PDE4D: variants seen among roughly 807,000 people sequenced by gnomAD.
PDE4D encodes phosphodiesterase 4D.
In PDE4D, 24 loss-of-function variants were observed where a neutral mutation model predicts 87.4. The observed-to-expected ratio is 0.27, with a 90% confidence interval of 0.20 to 0.39. The LOEUF (loss-of-function observed/expected upper bound fraction) is 0.39, where lower values mean the gene tolerates loss of function less well. Ranked by LOEUF, PDE4D falls within the 10% of genes least tolerant of loss-of-function variation. PDE4D has a pLI of 1.00. For synonymous variants in PDE4D, 384 were observed against 383.2 expected, an observed-to-expected ratio of 1.00 and a Z score of -0.02; for missense variants, 714 against 1,041.0, an observed-to-expected ratio of 0.69 and a Z score of 4.32.
At chr5:59,587,415 A>T in intron 1 of PDE4D, 1 of 981,910 alleles carries the variant, frequency 1.0e-6, no homozygotes, top group Non-Finnish European at 1.2e-6. Flanking sequence ...ATGCTCTGAC[A>T]TCTTCTGAAA....
At chr5:59,988,611 G>A (rs781340161) in exon 3 of PDE4D, 2 of 1,599,308 alleles carry the variant, frequency 1.3e-6, no homozygotes, top group Non-Finnish European at 8.5e-7. Context: ...GAAGGCGAGA[G>A]GGGGAAGCTG....
chr5:59,739,641 C>T (rs72751238), intron 1 of PDE4D, among the ~76,000 whole-genome samples: 3,324 of 152,180 alleles, frequency 0.022, 48 homozygotes, highest in Admixed American at 0.037. Flanking sequence ...AGTGATACAG[C>T]GATACAGCAG....
chr5:59,361,923 T>A (rs1474110836), intron 1 of PDE4D, among the ~76,000 whole-genome samples: 1 of 152,206 alleles, frequency 6.6e-6, no homozygotes, highest in East Asian at 1.9e-4. Flanking sequence ...ATTTAGTTTC[T>A]TTTTCCTATT....
At chr5:59,775,316 A>G (rs1268883670) in intron 1 of PDE4D, among the ~76,000 whole-genome samples, 1 of 152,172 alleles carries the variant, frequency 6.6e-6, no homozygotes, top group Non-Finnish European at 1.5e-5. Flanking sequence ...CAAAAATCCC[A>G]TATCTCAATC....
intron 1 of PDE4D, among the ~76,000 whole-genome samples, chr5:59,398,128 C>T (rs144250605): frequency 2.3e-4 from 34 of 147,892 alleles, no homozygotes; most frequent in Admixed American, 2.7e-4. Context: ...CAGATGGATT[C>T]ACAGCCAAAT....
chr5:60,142,457 G>A (rs763973013), intron 2 of PDE4D, among the ~76,000 whole-genome samples: 15 of 152,124 alleles, frequency 9.9e-5, no homozygotes, highest in Non-Finnish European at 1.5e-4. Context: ...AATGTGCTGC[G>A]ATGTGATTAC....
intron 1 of PDE4D, among the ~76,000 whole-genome samples, chr5:60,470,404 T>C (rs1019743467): frequency 1.3e-5 from 2 of 152,092 alleles, no homozygotes; most frequent in African/African-American, 2.4e-5. Flanking sequence ...ATAGCTAAGA[T>C]AACAAATGAA....
chr5:60,047,165 G>A (rs374567984), intron 2 of PDE4D, among the ~76,000 whole-genome samples: 4 of 152,108 alleles, frequency 2.6e-5, no homozygotes, highest in Non-Finnish European at 4.4e-5. Context: ...AGAGGTGTTT[G>A]TAGTATTCTC....
chr5:59,084,194 A>C (rs2153425043), intron 5 of PDE4D, among the ~76,000 whole-genome samples: 1 of 152,224 alleles, frequency 6.6e-6, no homozygotes, highest in South Asian at 2.1e-4. Context: ...CTAACCATAA[A>C]CAGTAGAAGT....
At chr5:59,097,467 T>G (rs1769952354) in intron 5 of PDE4D, among the ~76,000 whole-genome samples, 1 of 152,112 alleles carries the variant, frequency 6.6e-6, no homozygotes, top group Admixed American at 6.6e-5. Flanking sequence ...CCTTCTACCC[T>G]CCACTCTCTA....
intron 1 of PDE4D, among the ~76,000 whole-genome samples, chr5:59,616,943 A>ATATATATATATATATATATATATT (rs1351290068): frequency 7.2e-6 from 1 of 139,162 alleles, no homozygotes; most frequent in Admixed American, 7.3e-5. Context: ...ATATATATAT[A>ATATATATATATATATATATATATT]TATCTCCAAG....
chr5:59,574,040 TTA>T (rs1385655444), intron 1 of PDE4D, among the ~76,000 whole-genome samples: 1 of 88,994 alleles, frequency 1.1e-5, no homozygotes, highest in Non-Finnish European at 2.1e-5. Context: ...AAATATATAT[TTA>T]TATATATTTA....
At chr5:60,358,033 A>G (rs1043556125) in intron 1 of PDE4D, among the ~76,000 whole-genome samples, 2 of 152,198 alleles carry the variant, frequency 1.3e-5, no homozygotes, top group African/African-American at 4.8e-5. Context: ...TCTCTATTTT[A>G]TAGATCAAAA....
intron 1 of PDE4D, among the ~76,000 whole-genome samples, chr5:59,493,707 A>C (rs1329377172): frequency 6.6e-6 from 1 of 152,240 alleles, no homozygotes; most frequent in African/African-American, 2.4e-5. Flanking sequence ...TGTATAGGTA[A>C]ATTACTAAGA....
chr5:60,242,565 A>G (rs1410295673), intron 1 of PDE4D, among the ~76,000 whole-genome samples: 1 of 152,154 alleles, frequency 6.6e-6, no homozygotes, highest in East Asian at 1.9e-4. Context: ...ATTCTCAAGG[A>G]CAGACCACAT....
chr5:59,740,885 T>C (rs1758734104), intron 1 of PDE4D, among the ~76,000 whole-genome samples: 1 of 152,156 alleles, frequency 6.6e-6, no homozygotes, highest in Non-Finnish European at 1.5e-5. Flanking sequence ...TTACAGTAAA[T>C]TTATCTATTA....
At chr5:59,698,614 C>T (rs1752136817) in intron 1 of PDE4D, among the ~76,000 whole-genome samples, 1 of 151,944 alleles carries the variant, frequency 6.6e-6, no homozygotes, top group Non-Finnish European at 1.5e-5. Context: ...GATATTTTTT[C>T]TATTTATTTA....
intron 2 of PDE4D, among the ~76,000 whole-genome samples, chr5:60,059,887 T>C (rs1331999683): frequency 6.6e-6 from 1 of 151,550 alleles, no homozygotes; most frequent in African/African-American, 2.4e-5. Context: ...CATGTTCTGA[T>C]CCCCCCCAGG....
intron 2 of PDE4D, among the ~76,000 whole-genome samples, chr5:60,176,905 G>T (rs887378845): frequency 6.6e-6 from 1 of 152,028 alleles, no homozygotes; most frequent in Non-Finnish European, 1.5e-5. Context: ...TGGCTTTCCT[G>T]GAGTAAAGGG....
Sources: gnomAD v4.1 joint callset for allele counts (sites outside exome capture counted in the v4.1 genomes callset) on GRCh38, gnomAD v4.1.1 for gene constraint, MANE v1.5 for transcripts, NCBI Gene and HGNC (gene_info 2026-07-23, HGNC 2026-07-21) for gene names.